Variants in VPS13B observed in about 807,000 individuals in gnomAD.
VPS13B encodes the protein intermembrane lipid transfer protein VPS13B.
In VPS13B, 285 loss-of-function variants were observed where a neutral mutation model predicts 426.4. That is an observed-to-expected ratio of 0.67 (90% CI 0.61 to 0.74). The LOEUF (loss-of-function observed/expected upper bound fraction) is 0.74. Among genes scored for constraint, VPS13B ranks in the 30% least tolerant of loss-of-function variants. The pLI, the probability that VPS13B is intolerant of heterozygous loss-of-function variation, is 0.00. For missense variants in VPS13B, 4,537 were observed against 4,782.6 expected (o/e 0.95, Z 1.51); for synonymous variants, 1,676 against 1,676.4 (o/e 1.00, Z 0.01).
At chr8:99,532,068 G>T (rs1468268639) in intron 30 of VPS13B, among the ~76,000 whole-genome samples, 1 of 152,020 alleles carries the variant, frequency 6.6e-6, no homozygotes, top group African/African-American at 2.4e-5. Context: ...TTTAACTTGA[G>T]AGAAGTATAT....
At chr8:99,571,418 A>G (rs1413238481) in intron 31 of VPS13B, among the ~76,000 whole-genome samples, 6 of 152,154 alleles carry the variant, frequency 3.9e-5, no homozygotes, top group Non-Finnish European at 8.8e-5. Flanking sequence ...CAGAGATATC[A>G]TAAAACTTAA....
intron 19 of VPS13B, among the ~76,000 whole-genome samples, chr8:99,297,659 T>A (rs1026528003): frequency 6.6e-6 from 1 of 152,214 alleles, no homozygotes; most frequent in African/African-American, 2.4e-5. Context: ...AATCTGAAAC[T>A]ATGTGCTAGT....
At chr8:99,297,223 A>C (rs1420375137) in intron 19 of VPS13B, among the ~76,000 whole-genome samples, 1 of 152,148 alleles carries the variant, frequency 6.6e-6, no homozygotes, top group Non-Finnish European at 1.5e-5. Context: ...AAACCAAGTG[A>C]AAGATTTTGT....
chr8:99,234,477 C>T (rs1018413850), intron 17 of VPS13B: 4 of 558,818 alleles, frequency 7.2e-6, no homozygotes, highest in Non-Finnish European at 1.1e-5. Context: ...CGCCGCCGCC[C>T]CGCCCCGACT....
chr8:99,343,073 C>T (rs1811337752), intron 19 of VPS13B, among the ~76,000 whole-genome samples: 1 of 151,218 alleles, frequency 6.6e-6, no homozygotes, highest in Admixed American at 6.6e-5. Context: ...GGCAAATGTT[C>T]AGGTTTATTG....
intron 8 of VPS13B, among the ~76,000 whole-genome samples, chr8:99,128,532 C>G (rs1378869885): frequency 2.7e-5 from 4 of 150,832 alleles, no homozygotes; most frequent in African/African-American, 9.7e-5. Flanking sequence ...ATCTGCCCAC[C>G]TTTTCATCTG....
rs773765592 is a variant in VPS13B at position 99,875,665 on chromosome 8, G to A, written c.11993G>A (p.Ter3998=). The change falls in exon 62 of 62, where the codon TGA becomes TAA. Residue 3998 remains the stop codon, a stop_retained_variant. Transcript: ENST00000357162. The part of the protein sequence containing the change: ...KNKALRKGFP[*] The stretch of plus-strand genomic sequence containing the variant: ...AAAGCCCTGAGGAAAGGGTTTCCTT[G>A]AGTCCCCTCTGAGGTGTTTATTCCT... 1.1e-5 allele frequency: 17 copies of A among 1,613,964 alleles called. No homozygotes were observed. In the South Asian group the frequency reaches 1.6e-4, roughly 16 times the overall value.
At chr8:99,844,692 C>A (rs1269527130) in intron 54 of VPS13B, among the ~76,000 whole-genome samples, 1 of 152,106 alleles carries the variant, frequency 6.6e-6, no homozygotes, top group Non-Finnish European at 1.5e-5. Context: ...TATAAGGACA[C>A]TAATTGCATC....
intron 19 of VPS13B, among the ~76,000 whole-genome samples, chr8:99,325,166 G>C (rs1810176391): frequency 6.6e-6 from 1 of 151,992 alleles, no homozygotes; most frequent in African/African-American, 2.4e-5. Context: ...GAAGAGGTTG[G>C]GCTCAAACTC....
At position 99,069,093 on chromosome 8, in the gene VPS13B, T is replaced by C. The variant is rs573912346; in HGVS notation, c.292-27219T>C. Among the ~76,000 whole-genome samples, 35 of 152,290 alleles carry C rather than the reference T, an allele frequency of 2.3e-4. 1 individual carries two copies. Among genetic ancestry groups the C allele is most frequent in the Admixed American group, 2.2e-3 (34 of 15,296 alleles). On this transcript the variant is annotated intron_variant, in intron 3 of 61. Transcript: ENST00000357162. ...TTATAGGAATTTGCATGTTGGTAAT[T>C]GCTAAAATTTGATAACATAATACCT...
intron 3 of VPS13B, among the ~76,000 whole-genome samples, chr8:99,050,641 G>C (rs1288299091): frequency 6.6e-6 from 1 of 152,186 alleles, no homozygotes; most frequent in African/African-American, 2.4e-5. Flanking sequence ...CTAGTTTACA[G>C]TCCCACCAAC....
intron 17 of VPS13B, among the ~76,000 whole-genome samples, chr8:99,253,549 A>C (rs1442989722): frequency 1.3e-5 from 2 of 152,098 alleles, no homozygotes; most frequent in African/African-American, 2.4e-5. Context: ...GCTATGTTCT[A>C]ATTTTTATAT....
chr8:99,257,264 T>G (rs750513910), intron 17 of VPS13B, among the ~76,000 whole-genome samples: 1 of 152,160 alleles, frequency 6.6e-6, no homozygotes, highest in African/African-American at 2.4e-5. Flanking sequence ...TGTGCAGTAG[T>G]TCTTTATCAT....
intron 58 of VPS13B, 139 bp from the exon 59 acceptor site, chr8:99,868,149 TA>T: frequency 2.0e-6 from 2 of 994,452 alleles, no homozygotes; most frequent in Non-Finnish European, 1.5e-6. Context: ...AGATAACTGG[TA>T]AACAAATGGG....
chr8:99,343,133 C>G (rs1377064334), intron 19 of VPS13B, among the ~76,000 whole-genome samples: 4 of 149,158 alleles, frequency 2.7e-5, no homozygotes, highest in Non-Finnish European at 1.5e-5. Flanking sequence ...CTCGCTCTGT[C>G]GCCAGGCTGG....
chr8:99,851,750 G>A (rs1174570707), intron 55 of VPS13B, among the ~76,000 whole-genome samples: 1 of 152,072 alleles, frequency 6.6e-6, no homozygotes, highest in Non-Finnish European at 1.5e-5. Flanking sequence ...TGAGGTCCAG[G>A]AGGTAAGAGC....
chr8:99,546,205 G>A (rs1420169054), intron 30 of VPS13B, among the ~76,000 whole-genome samples: 1 of 151,512 alleles, frequency 6.6e-6, no homozygotes, highest in Non-Finnish European at 1.5e-5. Flanking sequence ...GTTAAATAAT[G>A]TGACAACATT....
At chr8:99,807,308 A>C (rs1813450952) in intron 43 of VPS13B, among the ~76,000 whole-genome samples, 1 of 152,234 alleles carries the variant, frequency 6.6e-6, no homozygotes, top group Non-Finnish European at 1.5e-5. Context: ...TCATATGCAA[A>C]TGTGAACATT....
chr8:99,173,470 A>T (rs1054499612), intron 16 of VPS13B, among the ~76,000 whole-genome samples: 1 of 152,216 alleles, frequency 6.6e-6, no homozygotes, highest in African/African-American at 2.4e-5. Flanking sequence ...TGATGTTTAT[A>T]CAACTGCCCT....
Sources: gnomAD v4.1 joint callset for allele counts (sites outside exome capture counted in the v4.1 genomes callset) on GRCh38, gnomAD v4.1.1 for gene constraint, MANE v1.5 for transcripts, NCBI Gene and HGNC (gene_info 2026-07-23, HGNC 2026-07-21) for gene names.